Variants in GRID2 observed in about 807,000 individuals in gnomAD.
The protein encoded by GRID2 is glutamate receptor ionotropic, delta-2.
A neutral mutation model predicts 114.8 loss-of-function variants in GRID2; 33 were observed. The observed-to-expected ratio is 0.29, with a 90% CI of 0.22 to 0.38. GRID2 has a LOEUF of 0.38. Ranked by LOEUF, GRID2 falls within the 10% of genes least tolerant of loss-of-function variation. GRID2 has a pLI of 1.00. For synonymous variants in GRID2, 505 were observed against 449.9 expected (o/e 1.12, Z -1.55); for missense variants, 1,184 against 1,257.7 (o/e 0.94, Z 0.89).
Position 93,689,298 on chromosome 4 carries a change from A to G in GRID2, c.2360+62863A>G, listed in dbSNP as rs374540751. Among the ~76,000 whole-genome samples the G allele has an allele frequency of 2.8e-4, 42 of 152,146 alleles. No homozygotes were observed. The East Asian group carries it at 3.1e-3, about 11-fold the overall frequency. On this transcript the variant is annotated intron_variant, in intron 14 of 15. Coordinates refer to ENST00000282020, the MANE Select transcript of GRID2 (RefSeq NM_001510.4). ...AAACTAATACAACATCTCTCCCACTATTGTAGAAACAAAGCATTTCACTTC... is the reference window on the plus strand; with the variant it reads ...AAACTAATACAACATCTCTCCCACTGTTGTAGAAACAAAGCATTTCACTTC...
At chr4:92,510,822 A>G (rs1724207709) in intron 1 of GRID2, among the ~76,000 whole-genome samples, 1 of 150,888 alleles carries the variant, frequency 6.6e-6, no homozygotes, top group East Asian at 2.0e-4. Flanking sequence ...ACATCAAGCC[A>G]TATCCCATAA....
chr4:92,407,188 C>T (rs558365455), intron 1 of GRID2, among the ~76,000 whole-genome samples: 10 of 152,136 alleles, frequency 6.6e-5, no homozygotes, highest in African/African-American at 2.2e-4. Context: ...CCCCATAATC[C>T]GAACACCTCC....
Position 93,018,175 on chromosome 4 carries a change from A to G in GRID2, c.245-66820A>G, listed in dbSNP as rs150744588. Reference sequence around the variant, plus strand: ...GAACAAAATTTTGCTGCAATTTATGAAGAATAATTGTTTTATTTTAATTTT... The same window carrying G: ...GAACAAAATTTTGCTGCAATTTATGGAGAATAATTGTTTTATTTTAATTTT... On this transcript the variant is annotated intron_variant, in intron 2 of 15. Transcript: ENST00000282020. Among the ~76,000 whole-genome samples the G allele has an allele frequency of 5.2e-3, 794 of 151,632 alleles. 3 individuals are homozygous for G. The highest frequency in any genetic ancestry group is 0.025 in the South Asian group (119 of 4,816).
intron 1 of GRID2, among the ~76,000 whole-genome samples, chr4:92,392,528 A>C (rs924225514): frequency 2.6e-5 from 4 of 151,810 alleles, no homozygotes; most frequent in Non-Finnish European, 4.4e-5. Context: ...GCAGAGTGAG[A>C]CTCTGTCTCA....
intron 2 of GRID2, among the ~76,000 whole-genome samples, chr4:93,043,535 G>T (rs749856650): frequency 4.6e-5 from 7 of 152,134 alleles, no homozygotes; most frequent in Non-Finnish European, 1.0e-4. Flanking sequence ...TCTAGAATAA[G>T]GGGTGGAAGG....
intron 14 of GRID2, among the ~76,000 whole-genome samples, chr4:93,626,870 G>A (rs1742781745): frequency 6.6e-6 from 1 of 152,146 alleles, no homozygotes; most frequent in Admixed American, 6.5e-5. Context: ...GATAATGACA[G>A]GGATGTTTCC....
intron 12 of GRID2, among the ~76,000 whole-genome samples, chr4:93,507,538 A>G (rs1288343592): frequency 3.9e-5 from 6 of 152,182 alleles, no homozygotes; most frequent in Non-Finnish European, 7.3e-5. Flanking sequence ...GCTTATCTCA[A>G]GATTCTTTAG....
At chr4:93,606,007 C>T (rs1740199379) in intron 13 of GRID2, among the ~76,000 whole-genome samples, 1 of 152,146 alleles carries the variant, frequency 6.6e-6, no homozygotes, top group Admixed American at 6.5e-5. Context: ...TGGCTCACGC[C>T]TGTAACCCCA....
intron 2 of GRID2, among the ~76,000 whole-genome samples, chr4:92,946,464 T>G (rs1473717068): frequency 6.6e-6 from 1 of 152,084 alleles, no homozygotes; most frequent in East Asian, 1.9e-4. Context: ...AAGTAGCTTA[T>G]TCACATATTT....
At chr4:93,380,674 T>A (rs2149307501) in intron 8 of GRID2, among the ~76,000 whole-genome samples, 1 of 152,088 alleles carries the variant, frequency 6.6e-6, no homozygotes, top group African/African-American at 2.4e-5. Flanking sequence ...ATGTACAACT[T>A]CTTACTAATA....
intron 1 of GRID2, among the ~76,000 whole-genome samples, chr4:92,544,658 C>A (rs1726150373): frequency 1.3e-5 from 2 of 152,060 alleles, no homozygotes; most frequent in Admixed American, 1.3e-4. Flanking sequence ...AGAGTGTGAC[C>A]TGATGAGGTA....
chr4:93,060,519 A>G (rs781194237), intron 2 of GRID2, among the ~76,000 whole-genome samples: 1 of 152,118 alleles, frequency 6.6e-6, no homozygotes, highest in Non-Finnish European at 1.5e-5. Context: ...GGAAAACATA[A>G]TTATATAATG....
At chr4:92,354,861 T>C (rs556395878) in intron 1 of GRID2, among the ~76,000 whole-genome samples, 1 of 152,076 alleles carries the variant, frequency 6.6e-6, no homozygotes, top group South Asian at 2.1e-4. Flanking sequence ...TATAGGTCAA[T>C]GAAACTTTTC....
At chr4:93,190,394 A>C (rs1360280891) in intron 4 of GRID2, among the ~76,000 whole-genome samples, 1 of 152,138 alleles carries the variant, frequency 6.6e-6, no homozygotes, top group Non-Finnish European at 1.5e-5. Flanking sequence ...TCTTTATCCA[A>C]GATTTGCTGT....
At chr4:92,767,043 G>T (rs765713683) in intron 2 of GRID2, among the ~76,000 whole-genome samples, 9 of 152,132 alleles carry the variant, frequency 5.9e-5, no homozygotes, top group Non-Finnish European at 5.9e-5. Flanking sequence ...AAAGTCATAT[G>T]ACTAAATTTT....
At position 93,626,073 on chromosome 4, in the gene GRID2, A is replaced by T. The variant is rs571657011; in HGVS notation, c.2194-196A>T. ...AAATACTATGACATTTTATATAAGG[A>T]CTTGAGCATCCCTGGATTTTGGTAT... On this transcript the variant is annotated intron_variant, in intron 13 of 15. Coordinates refer to ENST00000282020, the MANE Select transcript of GRID2 (RefSeq NM_001510.4). Among the ~76,000 whole-genome samples the T allele has an allele frequency of 2.6e-5, 4 of 152,294 alleles. No individual in the cohort carries two copies. In the South Asian group the frequency reaches 8.3e-4, roughly 32 times the overall value.
chr4:92,574,562 A>G (rs975213069), intron 1 of GRID2, among the ~76,000 whole-genome samples: 1 of 151,530 alleles, frequency 6.6e-6, no homozygotes, highest in Non-Finnish European at 1.5e-5. Flanking sequence ...TTATGAAAGG[A>G]TCTCCTCTCC....
intron 14 of GRID2, among the ~76,000 whole-genome samples, chr4:93,768,412 T>C (rs2110332297): frequency 6.6e-6 from 1 of 152,336 alleles, no homozygotes; most frequent in African/African-American, 2.4e-5. Flanking sequence ...AATTCCTCTA[T>C]GAAAAACACA....
At chr4:93,170,926 A>G (rs765698026) in intron 4 of GRID2, among the ~76,000 whole-genome samples, 12 of 151,990 alleles carry the variant, frequency 7.9e-5, no homozygotes, top group Non-Finnish European at 1.6e-4. Context: ...TACTCAGAAA[A>G]TAATGTCTGC....
Sources: gnomAD v4.1 joint callset for allele counts (sites outside exome capture counted in the v4.1 genomes callset) on GRCh38, gnomAD v4.1.1 for gene constraint, MANE v1.5 for transcripts, NCBI Gene and HGNC (gene_info 2026-07-23, HGNC 2026-07-21) for gene names.